Variants in HBS1L observed in about 807,000 individuals in gnomAD.
The protein encoded by HBS1L is HBS1-like protein.
In HBS1L, 55 loss-of-function variants were observed where a neutral mutation model predicts 88.9. The ratio of observed to expected loss-of-function variants is 0.62; its 90% CI spans 0.50 to 0.77. The LOEUF (loss-of-function observed/expected upper bound fraction) is 0.77. Among genes scored for constraint, HBS1L ranks in the 30% least tolerant of loss-of-function variants. The pLI is 0.00. For synonymous variants in HBS1L, 267 were observed against 288.5 expected (o/e 0.93, Z 0.76); for missense variants, 741 against 829.3 (o/e 0.89, Z 1.31).
chr6:134,980,720 T>G (rs1554224115), intron 13 of HBS1L, among the ~76,000 whole-genome samples: 1 of 151,690 alleles, frequency 6.6e-6, no homozygotes, highest in Non-Finnish European at 1.5e-5. Flanking sequence ...AAGAGGCTCT[T>G]TTTTAATACT....
intron 15 of HBS1L, among the ~76,000 whole-genome samples, chr6:134,977,581 A>C (rs1003835348): frequency 3.9e-5 from 6 of 152,078 alleles, no homozygotes; most frequent in African/African-American, 1.4e-4. Flanking sequence ...ATATAATTTT[A>C]CATGATCAAA....
chr6:134,996,336 T>C (rs1324538311), intron 7 of HBS1L, among the ~76,000 whole-genome samples: 1 of 152,176 alleles, frequency 6.6e-6, no homozygotes, highest in Non-Finnish European at 1.5e-5. Context: ...GTTTGGTAAT[T>C]TGAATTTGCT....
intron 4 of HBS1L, among the ~76,000 whole-genome samples, chr6:135,031,504 T>C (rs1776383566): frequency 6.6e-6 from 1 of 151,964 alleles, no homozygotes; most frequent in Admixed American, 6.5e-5. Context: ...GAGTAGCAGG[T>C]GAAGAGAGAT....
intron 6 of HBS1L, 82 bp downstream of exon 6, chr6:134,997,315 C>T: frequency 6.5e-7 from 1 of 1,534,522 alleles, no homozygotes; most frequent in Non-Finnish European, 8.9e-7. Flanking sequence ...CATGGAGAAA[C>T]TCAGAGTTTC....
At chr6:135,043,389 T>C (rs2114913518) in intron 2 of HBS1L, among the ~76,000 whole-genome samples, 1 of 152,366 alleles carries the variant, frequency 6.6e-6, no homozygotes, top group African/African-American at 2.4e-5. Flanking sequence ...GAAGATATTA[T>C]TTATTAAAGG....
At position 135,020,729 on chromosome 6, in the gene HBS1L, C is replaced by G. The variant is rs114252436; in HGVS notation, c.431-17887G>C. Among the ~76,000 whole-genome samples, 1,294 of 151,978 alleles carry G rather than the reference C, an allele frequency of 8.5e-3. 10 individuals carry two copies. Among genetic ancestry groups the G allele is most frequent in the African/African-American group, 0.03 (1,231 of 41,502 alleles). ...CTTAAAAATGCCCATCCCTTTTCAT[C>G]CAGCAATTCCACTCTAAAATCATAT... On this transcript the variant is annotated intron_variant, in intron 4 of 17. Transcript: ENST00000367837.
intron 8 of HBS1L, among the ~76,000 whole-genome samples, chr6:134,989,722 G>A (rs1201675223): frequency 6.6e-6 from 1 of 152,098 alleles, no homozygotes; most frequent in Admixed American, 6.6e-5. Context: ...AAATACTCCT[G>A]CTTTGTCTCT....
intron 4 of HBS1L, among the ~76,000 whole-genome samples, chr6:135,010,725 G>A (rs372263550): frequency 2.6e-5 from 4 of 151,572 alleles, no homozygotes; most frequent in African/African-American, 4.8e-5. Context: ...GGACTATTTT[G>A]GGGGGGAAAA....
rs1301742150 is a variant in HBS1L, at chr6:134,963,166, A to C, written c.*2113T>G. On this transcript the variant is annotated 3_prime_UTR_variant, in exon 18 of 18. Transcript: ENST00000367837. The stretch of plus-strand genomic sequence containing the variant: ...CCCCAATCCATTTCCCCTTCCTAAC[A>C]GCACCCTGAATTTCCAACCCTCACA... 2 of 152,144 alleles carry C rather than the reference A, an allele frequency of 1.3e-5. No homozygotes were observed. Among genetic ancestry groups the C allele is most frequent in the Non-Finnish European group, 2.9e-5 (2 of 68,032 alleles). The allele number at this position is 152,144 out of a possible 1,614,324, so 9.4% of individuals were successfully genotyped here.
At chr6:135,042,307 G>T (rs1230306158) in intron 2 of HBS1L, among the ~76,000 whole-genome samples, 181 bp from the exon 3 acceptor site, 4 of 151,990 alleles carry the variant, frequency 2.6e-5, no homozygotes, top group Non-Finnish European at 5.9e-5. Context: ...CTACTCGAAG[G>T]TGCTTACAAT....
chr6:135,050,715 A>ATTC, intron 1 of HBS1L, 68 bp from the exon 2 acceptor site: 3 of 951,478 alleles, frequency 3.2e-6, no homozygotes, highest in Non-Finnish European at 4.9e-6. Flanking sequence ...ACTAGTGAGG[A>ATTC]AGCATCTGAA....
chr6:134,996,942 C>T lies in HBS1L; in HGVS notation c.800G>A (p.Gly267Asp), dbSNP rs756526575. ...GKQLLNLVVI[G>D]HVDAGKSTLM... ...AGTACTTTTCCCAGCATCAACATGA[C>T]CTAAAGAAAATTGATTCAGGATTAA... is the stretch of plus-strand genomic sequence containing the variant. The change falls in exon 7 of 18, where the codon GGT (glycine) becomes GAT (aspartate). Residue 267 changes from glycine (G) to aspartate (D), a missense_variant and splice_region_variant. Around this residue, in one of 3 missense-constraint regions of HBS1L, gnomAD observed 556 missense variants for 598.4 expected, o/e 0.93. Coordinates refer to ENST00000367837, the MANE Select transcript of HBS1L (RefSeq NM_006620.4). 3 of 1,571,384 alleles carry T rather than the reference C, an allele frequency of 1.9e-6. No individual in the cohort carries two copies. The highest frequency in any genetic ancestry group is 1.2e-5 in the South Asian group (1 of 83,434).
intron 15 of HBS1L, among the ~76,000 whole-genome samples, chr6:134,977,298 C>G (rs1035237048): frequency 6.6e-6 from 1 of 151,938 alleles, no homozygotes; most frequent in African/African-American, 2.4e-5. Flanking sequence ...CTCTTCATCC[C>G]TCTACCTCTC....
chr6:135,039,749 A>C lies in HBS1L; in HGVS notation c.254T>G (p.Leu85Arg). Residue 85 changes from leucine to arginine, a missense_variant, in exon 4 of 18, where the codon CTT (leucine) becomes CGT (arginine). Physicochemically the swap from Leu to Arg is moderately radical, Grantham distance 102. This residue lies in a region of HBS1L where 556 missense variants were observed against 598.4 expected (regional missense o/e 0.93). Coordinates refer to ENST00000367837, the MANE Select transcript of HBS1L (RefSeq NM_006620.4). ...GFDQARLYSCLDHMREVLGDA... is the reference protein window; with the variant it reads ...GFDQARLYSCRDHMREVLGDA... Reference sequence around the variant, plus strand: ...TCCAAGTACCTCTCTCATGTGATCAAGGCATGAATAAAGACGAGCTAGAAA... The same window carrying C: ...TCCAAGTACCTCTCTCATGTGATCACGGCATGAATAAAGACGAGCTAGAAA... 2 of 1,612,472 alleles carry C rather than the reference A, an allele frequency of 1.2e-6. No homozygotes were observed. Among genetic ancestry groups the C allele is most frequent in the Middle Eastern group, 3.3e-4 (2 of 6,054 alleles).
chr6:135,038,003 C>T (rs1425369283), intron 4 of HBS1L: 1 of 1,517,160 alleles, frequency 6.6e-7, no homozygotes, highest in Admixed American at 2.3e-5. Context: ...TCAGCTGAAA[C>T]TTCAGAAGAA....
At chr6:135,021,686 TA>T (rs899786911) in intron 4 of HBS1L, among the ~76,000 whole-genome samples, 7 of 152,258 alleles carry the variant, frequency 4.6e-5, no homozygotes, top group African/African-American at 1.7e-4. Context: ...TGTTACAGAA[TA>T]AAAGTTTGTT....
intron 4 of HBS1L, among the ~76,000 whole-genome samples, chr6:135,019,656 C>G (rs1368792299): frequency 6.6e-6 from 1 of 151,724 alleles, no homozygotes; most frequent in Non-Finnish European, 1.5e-5. Context: ...ACCTTAAAGA[C>G]AGGGAGAGGT....
chr6:135,037,179 G>A (rs751582533), intron 4 of HBS1L: 22 of 1,551,584 alleles, frequency 1.4e-5, no homozygotes, highest in East Asian at 2.4e-5. Flanking sequence ...CTGATATTCC[G>A]GGTGAAGACT....
At chr6:135,050,470 C>G (rs1777047005) in intron 2 of HBS1L, 112 bp downstream of exon 2, 3 of 605,882 alleles carry the variant, frequency 5.0e-6, no homozygotes, top group Non-Finnish European at 5.7e-6. Flanking sequence ...ATATAATTAA[C>G]TTTTTAAATG....
Sources: gnomAD v4.1 joint callset for allele counts (sites outside exome capture counted in the v4.1 genomes callset) on GRCh38, gnomAD v4.1.1 for gene constraint, gnomAD v4.1.1 regional missense constraint, MANE v1.5 for transcripts, NCBI Gene and HGNC (gene_info 2026-07-23, HGNC 2026-07-21) for gene names.